The following UGT1A5 variants were observed in gnomAD, a reference collection of about 807,000 sequenced individuals.
UGT1A5 encodes UDP glucuronosyltransferase family 1 member A5.
Under a neutral mutation model 40.3 loss-of-function variants are expected in UGT1A5, and 29 were observed. The ratio of observed to expected loss-of-function variants is 0.72; its 90% CI spans 0.54 to 0.98. UGT1A5 has a LOEUF of 0.98. Ranked by LOEUF, UGT1A5 falls within the 50% of genes least tolerant of loss-of-function variation. The pLI is 0.00. For synonymous variants in UGT1A5, 257 were observed against 262.5 expected (o/e 0.98, Z 0.20); for missense variants, 678 against 677.9 (o/e 1.00, Z 0.00).
chr2:233,728,928 C>T (rs545859432), intron 1 of UGT1A5, among the ~76,000 whole-genome samples: 7 of 152,102 alleles, frequency 4.6e-5, no homozygotes, highest in African/African-American at 7.2e-5. Context: ...TAGTCATGAT[C>T]GGTCTTTTCC....
intron 4 of UGT1A5, 40 bp downstream of exon 4, chr2:233,768,479 T>C: frequency 6.3e-7 from 1 of 1,593,226 alleles, no homozygotes; most frequent in Non-Finnish European, 8.6e-7. Context: ...GGTCATGGCA[T>C]TCATGATAAA....
At chr2:233,716,525 A>C (rs931011254) in intron 1 of UGT1A5, among the ~76,000 whole-genome samples, 1 of 152,164 alleles carries the variant, frequency 6.6e-6, no homozygotes, top group Non-Finnish European at 1.5e-5. Context: ...CTTACCATTC[A>C]ATTATCTCCT....
chr2:233,724,196 G>C (rs2125699234), intron 1 of UGT1A5, among the ~76,000 whole-genome samples: 1 of 131,752 alleles, frequency 7.6e-6, no homozygotes, highest in Admixed American at 7.2e-5. Context: ...CGGGGTGGCT[G>C]GCCGGGCTGA....
rs1308023181 is a variant in UGT1A5, at chr2:233,747,199, G to A, written c.868-19835G>A. 45 of 1,604,092 alleles carry A rather than the reference G, an allele frequency of 2.8e-5. 2 individuals carry two copies. The highest frequency in any genetic ancestry group is 8.8e-5 in the South Asian group (8 of 90,422). On this transcript the variant is annotated intron_variant, in intron 1 of 4. Coordinates refer to ENST00000373414, the MANE Select transcript of UGT1A5 (RefSeq NM_019078.2). Reference sequence around the variant, plus strand: ...GCGTGGGGTGGACAGTCAGCTGTCCGTGTCTTCTGCTGAGATGGCCACAGG... The same window carrying A: ...GCGTGGGGTGGACAGTCAGCTGTCCATGTCTTCTGCTGAGATGGCCACAGG...
rs531220267 is a variant in UGT1A5, at chr2:233,732,395, C to A, written c.867+18537C>A. On this transcript the variant is annotated intron_variant, in intron 1 of 4. Coordinates refer to ENST00000373414, the MANE Select transcript of UGT1A5 (RefSeq NM_019078.2). ...CTATGTCTTCTAGGCCATGCCTATGCCTAAATGATATTGCCTAGGTTTTCT... is the reference window on the plus strand; with the variant it reads ...CTATGTCTTCTAGGCCATGCCTATGACTAAATGATATTGCCTAGGTTTTCT... Among the ~76,000 whole-genome samples, 4 of 152,284 alleles carry A rather than the reference C, an allele frequency of 2.6e-5. No individual in the cohort carries two copies. The East Asian group carries it at 7.7e-4, about 29-fold the overall frequency.
intron 1 of UGT1A5, chr2:233,748,021 T>C: frequency 1.9e-6 from 3 of 1,613,578 alleles, no homozygotes; most frequent in Non-Finnish European, 2.5e-6. Context: ...AGGCCGATCA[T>C]GCCCAACATG....
rs745603293 is a variant in UGT1A5, at chr2:233,772,357, G to A, written c.1403G>A (p.Arg468Lys). Residue 468 changes from arginine (R) to lysine (K), a missense_variant, in exon 5 of 5, where the codon AGG becomes AAG. Coordinates refer to ENST00000373414, the MANE Select transcript of UGT1A5 (RefSeq NM_019078.2). ...LAVFWVEFVM[R>K]HKGAPHLRPA... The stretch of plus-strand genomic sequence containing the variant: ...GTGTTCTGGGTGGAGTTTGTGATGA[G>A]GCACAAGGGCGCGCCACACCTGCGC... The A allele has an allele frequency of 1.4e-5, 22 of 1,614,268 alleles. No individual in the cohort carries two copies. The highest frequency in any genetic ancestry group is 1.8e-5 in the Non-Finnish European group (21 of 1,180,054).
rs2077420155 is a variant in UGT1A5 at position 233,725,272 on chromosome 2, AGG to A, written c.867+11415_867+11416del. ...GAGGAGGCAGAGGCAGAGGAGGCAG[AGG>A]CAGAGGCAGAGGCAGAGGCAGAGGC... is the stretch of plus-strand genomic sequence containing the variant. On this transcript the variant is annotated intron_variant, in intron 1 of 4. Coordinates refer to ENST00000373414, the MANE Select transcript of UGT1A5 (RefSeq NM_019078.2). Among the ~76,000 whole-genome samples, 2 of 38,426 alleles carry A rather than the reference AGG, an allele frequency of 5.2e-5. 1 individual carries two copies. Among genetic ancestry groups the A allele is most frequent in the Admixed American group, 5.0e-4 (2 of 3,998 alleles). The allele number at this position is 38,426 out of a possible 152,430, so 25.2% of individuals were successfully genotyped here. A position where few individuals can be genotyped will look rare whatever the true frequency, so the allele number is the denominator to read the frequency against.
In UGT1A5 at chr2:233,724,597, G is replaced by T. The variant is rs1338204935; in HGVS notation, c.867+10739G>T. The stretch of plus-strand genomic sequence containing the variant: ...CAGAGGCGCTCCCCACATCTCAGAC[G>T]ATGGGCGGCCGGGCAGAGACGCTCC... On this transcript the variant is annotated intron_variant, in intron 1 of 4. Coordinates refer to ENST00000373414, the MANE Select transcript of UGT1A5 (RefSeq NM_019078.2). Among the ~76,000 whole-genome samples the T allele has an allele frequency of 7.7e-3, 1,007 of 130,776 alleles. 47 individuals are homozygous for T. Among genetic ancestry groups the T allele is most frequent in the African/African-American group, 0.029 (930 of 32,516 alleles). 85.8% of individuals were successfully genotyped at this position (130,776 alleles called of 152,430 possible).
intron 1 of UGT1A5, among the ~76,000 whole-genome samples, chr2:233,717,100 T>TAAATAAAACACCACTACATGG: frequency 6.6e-6 from 1 of 152,062 alleles, no homozygotes. Flanking sequence ...CATCACTATC[T>TAAATAAAACACCACTACATGG]AAATAAAACA....
Position 233,713,078 on chromosome 2 carries a change from G to A in UGT1A5, c.87G>A (p.Gly29=). Residue 29 remains glycine, a synonymous_variant, in exon 1 of 5, where the codon GGG becomes GGA. Coordinates refer to ENST00000373414, the MANE Select transcript of UGT1A5 (RefSeq NM_019078.2). ...LLSVQPWAES[G]KVLVVPTDGS... ...GTGTCCAGCCCTGGGCTGAGAGTGG[G>A]AAGGTGCTGGTGGTGCCCACTGATG... The A allele has an allele frequency of 2.5e-6, 4 of 1,614,202 alleles. No individual in the cohort carries two copies. The highest frequency in any genetic ancestry group is 3.4e-6 in the Non-Finnish European group (4 of 1,180,046).
rs777835702 is a variant in UGT1A5, at chr2:233,713,015, C to T, written c.24C>T (p.Pro8=). 5 of 1,613,700 alleles carry T rather than the reference C, an allele frequency of 3.1e-6. No individual in the cohort carries two copies. The highest frequency in any genetic ancestry group is 1.1e-5 in the South Asian group (1 of 91,060). The change falls in exon 1 of 5, where the codon CCC becomes CCT. Residue 8 remains proline, a synonymous_variant. Transcript: ENST00000373414. MATGLQV[P]LPQLATGLLL... is the part of the protein sequence containing the mutation. ...AGATGGCCACAGGACTCCAGGTTCC[C>T]CTGCCGCAGCTGGCCACAGGACTGC... is the stretch of plus-strand genomic sequence containing the variant.
intron 1 of UGT1A5, among the ~76,000 whole-genome samples, chr2:233,765,111 G>C (rs1698754315): frequency 6.6e-6 from 1 of 152,118 alleles, no homozygotes; most frequent in Non-Finnish European, 1.5e-5. Context: ...GGCTTCCTCA[G>C]GACTGTTCAG....
chr2:233,725,264 G>GGAGGCAGAGGCAGAGGAGGCA (rs2077414682), intron 1 of UGT1A5, among the ~76,000 whole-genome samples: 1 of 58,548 alleles, frequency 1.7e-5, no homozygotes, highest in Admixed American at 1.5e-4. Context: ...CAGAGGCAGA[G>GGAGGCAGAGGCAGAGGAGGCA]GAGGCAGAGG....
chr2:233,717,151 C>T (rs1484349429), intron 1 of UGT1A5, among the ~76,000 whole-genome samples: 2 of 152,200 alleles, frequency 1.3e-5, no homozygotes, highest in Non-Finnish European at 2.9e-5. Flanking sequence ...GGAAATAGAA[C>T]ATGGGAGCCC....
At chr2:233,759,599 A>ACCCCCCCCCC (rs1553620419) in intron 1 of UGT1A5, among the ~76,000 whole-genome samples, 229 of 108,538 alleles carry the variant, frequency 2.1e-3, no homozygotes, top group African/African-American at 3.4e-3. Flanking sequence ...CCCACCCCCG[A>ACCCCCCCCCC]CCCGCCCCAC....
intron 1 of UGT1A5, among the ~76,000 whole-genome samples, chr2:233,715,085 C>T (rs2076431603): frequency 6.6e-6 from 1 of 152,050 alleles, no homozygotes; most frequent in Non-Finnish European, 1.5e-5. Context: ...GGAGTTTCAT[C>T]ATATTGGCCA....
chr2:233,738,197 T>A (rs1427013274), intron 1 of UGT1A5, among the ~76,000 whole-genome samples: 18 of 152,174 alleles, frequency 1.2e-4, no homozygotes, highest in Admixed American at 1.2e-3. Flanking sequence ...TGCCTCTCTC[T>A]CACTTTCTGC....
At chr2:233,726,820 G>A (rs956550712) in intron 1 of UGT1A5, among the ~76,000 whole-genome samples, 1 of 151,954 alleles carries the variant, frequency 6.6e-6, no homozygotes, top group African/African-American at 2.4e-5. Flanking sequence ...TCCTCTATTC[G>A]ACCATTTAAA....
Sources: gnomAD v4.1 joint callset for allele counts (sites outside exome capture counted in the v4.1 genomes callset) on GRCh38, gnomAD v4.1.1 for gene constraint, MANE v1.5 for transcripts, NCBI Gene and HGNC (gene_info 2026-07-23, HGNC 2026-07-21) for gene names.